CACNA2D1: variants seen among roughly 807,000 people sequenced by gnomAD.
CACNA2D1 encodes calcium voltage-gated channel auxiliary subunit alpha2delta 1, also known as voltage-dependent calcium channel subunit alpha-2/delta-1.
In CACNA2D1, 53 loss-of-function variants were observed where a neutral mutation model predicts 171.5. The observed-to-expected ratio is 0.31, with a 90% CI of 0.25 to 0.39. The LOEUF (loss-of-function observed/expected upper bound fraction) is 0.39. CACNA2D1 is among the 10% of genes least tolerant of loss of function. The pLI, the probability that CACNA2D1 is intolerant of heterozygous loss-of-function variation, is 1.00. For missense variants in CACNA2D1, 903 were observed against 1,299.8 expected (o/e 0.69, Z 4.69); for synonymous variants, 442 against 443.1 (o/e 1.00, Z 0.03).
intron 4 of CACNA2D1, among the ~76,000 whole-genome samples, chr7:82,143,022 T>C (rs1260138060): frequency 6.6e-6 from 1 of 152,076 alleles, no homozygotes; most frequent in African/African-American, 2.4e-5. Flanking sequence ...TAGGAACATG[T>C]ATGTGTGTGT....
At chr7:82,387,808 C>T (rs529490489) in intron 1 of CACNA2D1, among the ~76,000 whole-genome samples, 16 of 152,240 alleles carry the variant, frequency 1.1e-4, no homozygotes, top group African/African-American at 3.9e-4. Flanking sequence ...AGGCCGGGTG[C>T]ACTGGCTCAT....
At chr7:82,417,926 A>G (rs1256395585) in intron 1 of CACNA2D1, among the ~76,000 whole-genome samples, 1 of 152,214 alleles carries the variant, frequency 6.6e-6, no homozygotes, top group African/African-American at 2.4e-5. Context: ...TGGAGAGGAC[A>G]ATATTAAAAG....
rs1792354643 is a variant in CACNA2D1, at chr7:81,950,176, T to G, written c.*216A>C. 2 of 750,262 alleles carry G rather than the reference T, an allele frequency of 2.7e-6. No individual in the cohort carries two copies. Among genetic ancestry groups the G allele is most frequent in the Admixed American group, 5.7e-5 (2 of 35,048 alleles). The allele number at this position is 750,262 out of a possible 1,614,324, so 46.5% of individuals were successfully genotyped here. ...TAGGATTTTGCTTTGATGTTACACA[T>G]AGATGATGCAGCATTCACACACGTT... On this transcript the variant is annotated 3_prime_UTR_variant, in exon 39 of 39. Transcript: ENST00000356860.
chr7:82,337,993 T>G (rs1360379641), intron 2 of CACNA2D1, among the ~76,000 whole-genome samples: 1 of 152,194 alleles, frequency 6.6e-6, no homozygotes, highest in Non-Finnish European at 1.5e-5. Flanking sequence ...AGATTATGGT[T>G]TGTGAGATAG....
At chr7:82,369,923 A>G (rs1187243177) in intron 1 of CACNA2D1, among the ~76,000 whole-genome samples, 1 of 152,150 alleles carries the variant, frequency 6.6e-6, no homozygotes, top group Non-Finnish European at 1.5e-5. Context: ...CTTGTAATGT[A>G]ATCCTGTAAA....
At chr7:82,149,753 C>T (rs559067293) in intron 4 of CACNA2D1, among the ~76,000 whole-genome samples, 6 of 149,758 alleles carry the variant, frequency 4.0e-5, no homozygotes, top group Admixed American at 2.7e-4. Context: ...ACGGTAAAAC[C>T]CTGTCTCTAC....
intron 1 of CACNA2D1, among the ~76,000 whole-genome samples, chr7:82,398,804 C>A (rs914033430): frequency 6.6e-6 from 1 of 151,900 alleles, no homozygotes; most frequent in Non-Finnish European, 1.5e-5. Context: ...GTGTCAAATT[C>A]CTGACCTCAA....
chr7:82,391,395 T>C (rs1248999533), intron 1 of CACNA2D1, among the ~76,000 whole-genome samples: 1 of 152,196 alleles, frequency 6.6e-6, no homozygotes, highest in Non-Finnish European at 1.5e-5. Flanking sequence ...CTTCTCCCTC[T>C]GATTCACCTG....
intron 7 of CACNA2D1, among the ~76,000 whole-genome samples, chr7:82,068,532 G>T (rs1044036282): frequency 1.3e-5 from 2 of 151,792 alleles, no homozygotes; most frequent in Admixed American, 1.3e-4. Flanking sequence ...AGAGTTCTCT[G>T]TACTTCTAGC....
chr7:82,329,792 C>T (rs1585520295), intron 3 of CACNA2D1, among the ~76,000 whole-genome samples: 1 of 152,002 alleles, frequency 6.6e-6, no homozygotes, highest in East Asian at 1.9e-4. Context: ...AGTCATTTAG[C>T]AGACACATCT....
At chr7:82,202,115 AG>A (rs1799505802) in intron 3 of CACNA2D1, among the ~76,000 whole-genome samples, 1 of 152,202 alleles carries the variant, frequency 6.6e-6, no homozygotes, top group Admixed American at 6.5e-5. Flanking sequence ...GAGGTGCATT[AG>A]GTGATCACCC....
chr7:82,056,301 G>T (rs1436508133), intron 10 of CACNA2D1, among the ~76,000 whole-genome samples: 2 of 152,150 alleles, frequency 1.3e-5, no homozygotes, highest in Admixed American at 6.5e-5. Flanking sequence ...GTCCTAAAAG[G>T]ATCAAGATTA....
chr7:81,986,377 TA>T, intron 21 of CACNA2D1, among the ~76,000 whole-genome samples: 1 of 146,698 alleles, frequency 6.8e-6, no homozygotes, highest in East Asian at 2.0e-4. Flanking sequence ...AATTAATTTT[TA>T]ATAATTTCAA....
intron 12 of CACNA2D1, chr7:82,023,712 T>C (rs1211260229): frequency 6.6e-6 from 1 of 151,754 alleles, no homozygotes; most frequent in Admixed American, 6.6e-5. Flanking sequence ...CACATTTAAA[T>C]GTACAATGTA....
chr7:82,083,713 C>A (rs1810089848), intron 7 of CACNA2D1, among the ~76,000 whole-genome samples: 1 of 152,134 alleles, frequency 6.6e-6, no homozygotes, highest in African/African-American at 2.4e-5. Flanking sequence ...ATTTTACCAT[C>A]TGGCATCTGC....
At chr7:82,148,056 G>T (rs1048839673) in intron 4 of CACNA2D1, among the ~76,000 whole-genome samples, 4 of 152,044 alleles carry the variant, frequency 2.6e-5, no homozygotes, top group Non-Finnish European at 4.4e-5. Flanking sequence ...AACTTATAAG[G>T]TTTAATTTAT....
intron 3 of CACNA2D1, among the ~76,000 whole-genome samples, chr7:82,252,947 T>C (rs980698425): frequency 1.3e-5 from 2 of 151,188 alleles, no homozygotes; most frequent in African/African-American, 4.9e-5. Context: ...CAGGGTGGAT[T>C]GAGGGAGAGA....
chr7:82,201,583 C>A (rs1203810828), intron 3 of CACNA2D1, among the ~76,000 whole-genome samples: 1 of 152,150 alleles, frequency 6.6e-6, no homozygotes, highest in East Asian at 1.9e-4. Flanking sequence ...GTGCACTCTT[C>A]CCCCAGGTGC....
chr7:82,179,990 G>A (rs1796950964), intron 3 of CACNA2D1, among the ~76,000 whole-genome samples: 1 of 151,946 alleles, frequency 6.6e-6, no homozygotes, highest in Non-Finnish European at 1.5e-5. Flanking sequence ...CCTTCGCTGA[G>A]ACTAGAAACT....
Sources: gnomAD v4.1 joint callset for allele counts (sites outside exome capture counted in the v4.1 genomes callset) on GRCh38, gnomAD v4.1.1 for gene constraint, MANE v1.5 for transcripts, NCBI Gene and HGNC (gene_info 2026-07-23, HGNC 2026-07-21) for gene names.